Variants in CAB39 observed in about 807,000 individuals in gnomAD.
CAB39 encodes calcium binding protein 39.
In CAB39, 8 loss-of-function variants were observed where a neutral mutation model predicts 40.0. The ratio of observed to expected loss-of-function variants is 0.20; its 90% CI spans 0.12 to 0.36. CAB39 has a LOEUF of 0.36. Ranked by LOEUF, CAB39 falls within the 10% of genes least tolerant of loss-of-function variation. The probability of loss-of-function intolerance (pLI) is 1.00; values close to 1 mark genes in which losing one functional copy is unlikely to be tolerated. For synonymous variants in CAB39, 156 were observed against 141.6 expected (o/e 1.10, Z -0.72); for missense variants, 270 against 401.1 (o/e 0.67, Z 2.79).
intron 1 of CAB39, among the ~76,000 whole-genome samples, chr2:230,728,463 C>G (rs1242951421): frequency 6.6e-6 from 1 of 151,914 alleles, no homozygotes; most frequent in Non-Finnish European, 1.5e-5. Flanking sequence ...GGGTGAGCCA[C>G]CATGCCCAGC....
chr2:230,715,795 T>G (rs1014240903), intron 1 of CAB39, among the ~76,000 whole-genome samples: 1 of 152,188 alleles, frequency 6.6e-6, no homozygotes, highest in Non-Finnish European at 1.5e-5. Flanking sequence ...CTCAACCTCC[T>G]GGGCTCAAGC....
chr2:230,725,413 G>A (rs1694547293), intron 1 of CAB39: 1 of 1,590,754 alleles, frequency 6.3e-7, no homozygotes, highest in African/African-American at 1.3e-5. Flanking sequence ...TCTTGATCAG[G>A]CTTAATCCGC....
At chr2:230,813,651 G>A (rs964699507) in intron 6 of CAB39, among the ~76,000 whole-genome samples, 7 of 152,006 alleles carry the variant, frequency 4.6e-5, no homozygotes, top group East Asian at 1.9e-4. Flanking sequence ...TATAAAATAC[G>A]AGTTTTTCAA....
chr2:230,748,210 A>G (rs986672664), intron 1 of CAB39, among the ~76,000 whole-genome samples: 2 of 150,672 alleles, frequency 1.3e-5, no homozygotes, highest in Admixed American at 6.6e-5. Context: ...CTGCTTCCCT[A>G]TGGTGATGTT....
At chr2:230,806,673 TG>T (rs1696200680) in intron 5 of CAB39, among the ~76,000 whole-genome samples, 1 of 152,180 alleles carries the variant, frequency 6.6e-6, no homozygotes, top group African/African-American at 2.4e-5. Context: ...GGACAAAACA[TG>T]GATCTGTCAG....
chr2:230,760,616 C>A (rs900530509), intron 2 of CAB39, among the ~76,000 whole-genome samples: 15 of 152,168 alleles, frequency 9.9e-5, no homozygotes, highest in African/African-American at 3.6e-4. Flanking sequence ...GCCACAGTTA[C>A]CTGATTCTTG....
At chr2:230,751,030 T>C (rs1264464196) in intron 1 of CAB39, among the ~76,000 whole-genome samples, 1 of 152,244 alleles carries the variant, frequency 6.6e-6, no homozygotes, top group Non-Finnish European at 1.5e-5. Flanking sequence ...GTTATTGTTT[T>C]AATTAAGTAA....
At chr2:230,798,022 G>C (rs565466924) in intron 4 of CAB39, among the ~76,000 whole-genome samples, 1 of 152,172 alleles carries the variant, frequency 6.6e-6, no homozygotes, top group Non-Finnish European at 1.5e-5. Flanking sequence ...ACATCTGAAG[G>C]GGAAATGCCT....
intron 1 of CAB39, among the ~76,000 whole-genome samples, chr2:230,748,831 A>ATATAT (rs1553669220): frequency 4.2e-3 from 118 of 28,380 alleles, no homozygotes; most frequent in Admixed American, 5.3e-3. Context: ...AAAAAAAAAA[A>ATATAT]ATATATATAT....
Position 230,810,331 on chromosome 2 carries a change from A to ATGAAATAC in CAB39, c.627+11_627+18dup. 9.6e-7 allele frequency: 1 copy of ATGAAATAC among 1,037,370 alleles called. No individual in the cohort carries two copies. Among genetic ancestry groups the ATGAAATAC allele is most frequent in the Non-Finnish European group, 1.4e-6 (1 of 711,518 alleles). 64.3% of individuals were successfully genotyped at this position (1,037,370 alleles called of 1,614,324 possible). A position where few individuals can be genotyped will look rare whatever the true frequency, so the allele number is the denominator to read the frequency against. On this transcript the variant is annotated intron_variant, in intron 6 of 8. Coordinates refer to ENST00000258418, the MANE Select transcript of CAB39 (RefSeq NM_016289.4). ...AACAGCATTATGATAGAGTAAGTAT[A>ATGAAATAC]TGAAATACTATTTTTAAATAATAAA...
At chr2:230,739,518 A>G (rs1694840283) in intron 1 of CAB39, among the ~76,000 whole-genome samples, 1 of 152,156 alleles carries the variant, frequency 6.6e-6, no homozygotes. Context: ...TTTTTGAGAC[A>G]GAGTTTCGCC....
chr2:230,729,740 A>T (rs1694653423), intron 1 of CAB39, among the ~76,000 whole-genome samples: 2 of 151,518 alleles, frequency 1.3e-5, no homozygotes, highest in Non-Finnish European at 2.9e-5. Context: ...AAACTGTCTT[A>T]AGGAAAAAAA....
At chr2:230,812,383 C>T (rs548473398) in intron 6 of CAB39, among the ~76,000 whole-genome samples, 1 of 152,282 alleles carries the variant, frequency 6.6e-6, no homozygotes, top group South Asian at 2.1e-4. Context: ...AGGTTTGTTA[C>T]TTACTCTTTG....
chr2:230,814,143 T>G, intron 7 of CAB39, 29 bp downstream of exon 7: 1 of 1,102,566 alleles, frequency 9.1e-7, no homozygotes, highest in Non-Finnish European at 1.3e-6. Flanking sequence ...TATAGCTTAT[T>G]TCTCTGTACC....
At chr2:230,737,796 G>T (rs1028334544) in intron 1 of CAB39, among the ~76,000 whole-genome samples, 1 of 152,048 alleles carries the variant, frequency 6.6e-6, no homozygotes, top group Non-Finnish European at 1.5e-5. Context: ...TGCTTTTGTT[G>T]TGCATTTTAG....
At chr2:230,743,916 CTTTTTTT>C (rs1184035557) in intron 1 of CAB39, among the ~76,000 whole-genome samples, 2 of 127,702 alleles carry the variant, frequency 1.6e-5, no homozygotes, top group South Asian at 2.5e-4. Flanking sequence ...ATACATGATA[CTTTTTTT>C]TTTTTTTTTT....
At chr2:230,754,910 T>C (rs962730295) in intron 1 of CAB39, among the ~76,000 whole-genome samples, 1 of 152,206 alleles carries the variant, frequency 6.6e-6, no homozygotes, top group Non-Finnish European at 1.5e-5. Flanking sequence ...AAAGCTTAGC[T>C]CCCACATGTC....
chr2:230,748,017 T>C (rs1353276931), intron 1 of CAB39, among the ~76,000 whole-genome samples: 2 of 152,224 alleles, frequency 1.3e-5, no homozygotes, highest in African/African-American at 4.8e-5. Context: ...AAAATATCTT[T>C]TTTTCAGTTG....
At chr2:230,814,154 T>A in intron 7 of CAB39, 40 bp downstream of exon 7, 1 of 990,012 alleles carries the variant, frequency 1.0e-6, no homozygotes, top group Non-Finnish European at 1.5e-6. Context: ...TCTCTGTACC[T>A]TGTGTTTGAA....
Sources: allele counts gnomAD v4.1 joint callset (sites outside exome capture counted in the v4.1 genomes callset), GRCh38; gene constraint gnomAD v4.1.1; transcripts MANE v1.5; gene names NCBI Gene and HGNC (gene_info 2026-07-23, HGNC 2026-07-21).